Variants in DOP1A observed in about 807,000 individuals in gnomAD.
DOP1A encodes protein DOP1A.
DOP1A carries 90 observed loss-of-function variants against 267.6 expected under a neutral mutation model. The ratio of observed to expected loss-of-function variants is 0.34; its 90% CI spans 0.28 to 0.40. The LOEUF (loss-of-function observed/expected upper bound fraction) is 0.40. Among genes scored for constraint, DOP1A ranks in the 10% least tolerant of loss-of-function variants. The pLI, the probability that DOP1A is intolerant of heterozygous loss-of-function variation, is 1.00. For synonymous variants in DOP1A, 932 were observed against 999.1 expected (o/e 0.93, Z 1.27); for missense variants, 2,437 against 2,900.4 (o/e 0.84, Z 3.67).
In DOP1A at chr6:83,168,220, C is replaced by A; in HGVS notation, c.*53C>A. 2.6e-6 allele frequency: 4 copies of A among 1,556,838 alleles called. No homozygotes were observed. The highest frequency in any genetic ancestry group is 3.5e-6 in the Non-Finnish European group (4 of 1,157,398). On this transcript the variant is annotated 3_prime_UTR_variant, in exon 39 of 39. Coordinates refer to ENST00000349129, the MANE Select transcript of DOP1A (RefSeq NM_015018.4). ...CATGTAAATGTAATTATTTAAAACA[C>A]ACACACTGCTCTGCGTTGTATAGTT...
In DOP1A at chr6:83,164,822, G is replaced by C. The variant is rs1334597227; in HGVS notation, c.7092+1903G>C. ...TCAACAAGTACAAGGGAGGTAAACA[G>C]GAAGGAAGTCTTTTTTCAAGTGTGG... On this transcript the variant is annotated intron_variant, in intron 38 of 38. Coordinates refer to ENST00000349129, the MANE Select transcript of DOP1A (RefSeq NM_015018.4). 2.4e-5 allele frequency: 21 copies of C among 879,028 alleles called. No homozygotes were observed. The South Asian group carries it at 3.5e-4, about 15-fold the overall frequency. 54.5% of individuals were successfully genotyped at this position (879,028 alleles called of 1,614,324 possible).
chr6:83,112,159 A>T (rs959879913), intron 6 of DOP1A, among the ~76,000 whole-genome samples: 1 of 152,158 alleles, frequency 6.6e-6, no homozygotes. Context: ...ATATTTCCAA[A>T]ATATCACAGT....
Position 83,154,204 on chromosome 6 carries a change from G to C in DOP1A, c.6414G>C (p.Leu2138=). ...VNHWRAIMDN[L]MTHDKTTFRD... Reference sequence around the variant, plus strand: ...GTTGGAGAGCAATTATGGACAATCTGATGACACATGATAAAACAACATTTA... The same window carrying C: ...GTTGGAGAGCAATTATGGACAATCTCATGACACATGATAAAACAACATTTA... The change falls in exon 33 of 39, where the codon CTG becomes CTC. Residue 2138 remains leucine (L), a synonymous_variant. Transcript: ENST00000349129. 1 of 1,613,978 alleles carries C rather than the reference G, an allele frequency of 6.2e-7. No individual in the cohort carries two copies. Among genetic ancestry groups the C allele is most frequent in the Non-Finnish European group, 8.5e-7 (1 of 1,179,898 alleles).
chr6:83,155,176 G>A (rs1396203404), intron 33 of DOP1A, among the ~76,000 whole-genome samples: 1 of 151,992 alleles, frequency 6.6e-6, no homozygotes, highest in Non-Finnish European at 1.5e-5. Context: ...GAATTACAAA[G>A]GTTGGCTGGG....
chr6:83,124,871 A>G (rs781626353), intron 13 of DOP1A, 52 bp downstream of exon 13: 5 of 1,420,210 alleles, frequency 3.5e-6, no homozygotes, highest in Non-Finnish European at 4.9e-6. Context: ...ACGTAGTTCA[A>G]ATATTTCGTG....
intron 1 of DOP1A, among the ~76,000 whole-genome samples, chr6:83,080,671 T>G (rs1000573073): frequency 1.3e-5 from 2 of 152,204 alleles, no homozygotes; most frequent in South Asian, 2.1e-4. Context: ...CTCTGTAGTA[T>G]TTCATCCCAC....
chr6:83,145,255 G>A (rs1318070134), intron 24 of DOP1A, among the ~76,000 whole-genome samples: 1 of 15,322 alleles, frequency 6.5e-5, no homozygotes, highest in Non-Finnish European at 1.3e-4. Context: ...TTTGCCTAAA[G>A]TAGTCAAGGG....
At chr6:83,081,830 T>C (rs940329386) in intron 1 of DOP1A, among the ~76,000 whole-genome samples, 2 of 152,036 alleles carry the variant, frequency 1.3e-5, no homozygotes, top group Non-Finnish European at 2.9e-5. Flanking sequence ...TATAAGGAAC[T>C]CAATAGCAAG....
chr6:83,100,865 C>A lies in DOP1A; in HGVS notation c.299C>A (p.Ala100Asp). The A allele has an allele frequency of 6.5e-7, 1 of 1,544,852 alleles. No individual in the cohort carries two copies. Among genetic ancestry groups the A allele is most frequent in the Non-Finnish European group, 8.7e-7 (1 of 1,147,010 alleles). ...IFKIIGPKRLAKDLFLYSSGL... is the reference protein window; with the variant it reads ...IFKIIGPKRLDKDLFLYSSGL... ...AAAATAATTGGACCTAAGCGACTTG[C>A]CAAAGATCTTTTTTTATATAGGTAA... Residue 100 changes from alanine to aspartate, a missense_variant, in exon 4 of 39, where the codon GCC becomes GAC. This residue lies in a region of DOP1A where 251 missense variants were observed against 359.1 expected (regional missense o/e 0.70). Coordinates refer to ENST00000349129, the MANE Select transcript of DOP1A (RefSeq NM_015018.4).
Position 83,087,791 on chromosome 6 carries a change from CAG to C in DOP1A, c.-146-8936_-146-8935del, listed in dbSNP as rs1240641924. ...GTAAGGTTAGAAGAGGTCTTGTCCT[CAG>C]AGAATAATTAAGACTAGAAGGCGAC... On this transcript the variant is annotated intron_variant, in intron 1 of 38. Coordinates refer to ENST00000349129, the MANE Select transcript of DOP1A (RefSeq NM_015018.4). Among the ~76,000 whole-genome samples, 4 of 152,292 alleles carry C rather than the reference CAG, an allele frequency of 2.6e-5. No homozygotes were observed. The East Asian group carries it at 7.7e-4, about 29-fold the overall frequency.
chr6:83,125,637 C>G lies in DOP1A; in HGVS notation c.1623C>G (p.Ser541Arg). 1 of 1,613,830 alleles carries G rather than the reference C, an allele frequency of 6.2e-7. No homozygotes were observed. The highest frequency in any genetic ancestry group is 8.5e-7 in the Non-Finnish European group (1 of 1,179,812). ...TCAGACTCTGCTCAAAGATCCTTAG[C>G]AAGGTTCAGCCTCCACTGTTATCTG... is the stretch of plus-strand genomic sequence containing the variant. ...DSLRLCSKIL[S>R]KVQPPLLSAS... Residue 541 changes from serine (S) to arginine (R), a missense_variant, in exon 15 of 39, where the codon AGC becomes AGG. Transcript: ENST00000349129.
chr6:83,087,520 T>G (rs890135150), intron 1 of DOP1A, among the ~76,000 whole-genome samples: 25 of 152,146 alleles, frequency 1.6e-4, no homozygotes, highest in African/African-American at 6.0e-4. Context: ...AGGATGGGTA[T>G]GAGAAGGAAA....
At chr6:83,169,633 A>C (rs756632962), downstream of DOP1A, 5 of 465,924 alleles carry the variant, frequency 1.1e-5, no homozygotes, top group Non-Finnish European at 1.7e-5. Context: ...ACAGTAAGTA[A>C]GTACTAATGC....
At chr6:83,116,404 T>C (rs1293805544) in intron 7 of DOP1A, among the ~76,000 whole-genome samples, 2 of 152,220 alleles carry the variant, frequency 1.3e-5, no homozygotes, top group African/African-American at 4.8e-5. Context: ...TATTGTACAA[T>C]ACCAATCATG....
At position 83,159,886 on chromosome 6, in the gene DOP1A, C is replaced by T. The variant is rs775767373; in HGVS notation, c.6888C>T (p.Asn2296=). ...STSYNSQRWL[N]LYLSACKFLD... is the part of the protein sequence containing the mutation. ...CATATAACAGCCAGCGGTGGTTAAACCTCTATCTCTCTGCTTGCAAATTTT... is the reference window on the plus strand; with the variant it reads ...CATATAACAGCCAGCGGTGGTTAAATCTCTATCTCTCTGCTTGCAAATTTT... Residue 2296 remains asparagine (N), a synonymous_variant, in exon 37 of 39, where the codon AAC becomes AAT. Transcript: ENST00000349129. 1.6e-5 allele frequency: 26 copies of T among 1,613,950 alleles called. No individual in the cohort carries two copies. The South Asian group carries it at 2.5e-4, about 16-fold the overall frequency.
chr6:83,157,117 C>T, intron 34 of DOP1A, 65 bp from the exon 35 acceptor site: 1 of 1,527,240 alleles, frequency 6.5e-7, no homozygotes, highest in Non-Finnish European at 8.9e-7. Flanking sequence ...ACTGGACCGA[C>T]AATATAGAAA....
rs1338392848 is a variant in DOP1A at position 83,153,966 on chromosome 6, G to A, written c.6312G>A (p.Arg2104=). ...GTCTTAGTGGGTATCAGTACACACG[G>A]AGAGCTTGGAAAAAAGAAGCTTTTG... ...LSSLSGYQYT[R]RAWKKEAFDL... Residue 2104 remains arginine, a synonymous_variant, in exon 32 of 39, where the codon CGG becomes CGA. Coordinates refer to ENST00000349129, the MANE Select transcript of DOP1A (RefSeq NM_015018.4). 3 of 1,613,918 alleles carry A rather than the reference G, an allele frequency of 1.9e-6. No homozygotes were observed. Among genetic ancestry groups the A allele is most frequent in the Non-Finnish European group, 2.5e-6 (3 of 1,179,986 alleles).
intron 1 of DOP1A, among the ~76,000 whole-genome samples, chr6:83,092,395 C>G (rs1161659884): frequency 6.6e-6 from 1 of 152,056 alleles, no homozygotes; most frequent in African/African-American, 2.4e-5. Flanking sequence ...ATAGCAAATC[C>G]TTATATAAAA....
intron 3 of DOP1A, among the ~76,000 whole-genome samples, chr6:83,097,899 A>G (rs984358495): frequency 4.1e-5 from 6 of 145,858 alleles, no homozygotes; most frequent in African/African-American, 1.5e-4. Flanking sequence ...TTTTATTTTC[A>G]TTTATTTTAT....
Sources: allele counts gnomAD v4.1 joint callset (sites outside exome capture counted in the v4.1 genomes callset), GRCh38; gene constraint gnomAD v4.1.1; regional missense constraint gnomAD v4.1.1; transcripts MANE v1.5; gene names NCBI Gene and HGNC (gene_info 2026-07-23, HGNC 2026-07-21).